The following ALK variants were observed in gnomAD, a reference collection of about 807,000 sequenced individuals.
ALK encodes the protein ALK tyrosine kinase receptor.
Under a neutral mutation model 163.1 loss-of-function variants are expected in ALK, and 74 were observed. The observed-to-expected ratio is 0.45, with a 90% CI of 0.38 to 0.55. The LOEUF (loss-of-function observed/expected upper bound fraction) is 0.55. ALK is among the 20% of genes least tolerant of loss of function. The probability of loss-of-function intolerance (pLI) is 0.00; values close to 1 mark genes in which losing one functional copy is unlikely to be tolerated. For missense variants in ALK, 2,063 were observed against 2,105.3 expected, an observed-to-expected ratio of 0.98 and a Z score of 0.39; for synonymous variants, 960 against 843.2, an observed-to-expected ratio of 1.14 and a Z score of -2.40.
intron 8 of ALK, among the ~76,000 whole-genome samples, chr2:29,309,152 T>A (rs1333641264): frequency 2.0e-5 from 3 of 152,070 alleles, no homozygotes; most frequent in Non-Finnish European, 4.4e-5. Context: ...CGGACACCAC[T>A]GGAAAAAGTA....
intron 3 of ALK, among the ~76,000 whole-genome samples, chr2:29,686,506 G>A (rs1489688465): frequency 3.3e-5 from 5 of 152,196 alleles, no homozygotes; most frequent in Admixed American, 6.5e-5. Flanking sequence ...CTTAGAGCAG[G>A]AAATGGCCTT....
chr2:29,195,383 A>G (rs1668997705), intron 28 of ALK, among the ~76,000 whole-genome samples: 1 of 152,208 alleles, frequency 6.6e-6, no homozygotes, highest in South Asian at 2.1e-4. Context: ...AGGATGGAGT[A>G]GTGAGGCTGG....
chr2:29,790,864 G>A (rs985365448), intron 1 of ALK, among the ~76,000 whole-genome samples: 3 of 152,186 alleles, frequency 2.0e-5, no homozygotes, highest in Middle Eastern at 3.2e-3. Context: ...AATTAGAGGT[G>A]TGAGTCACCT....
At chr2:29,491,125 T>G (rs1240189393) in intron 4 of ALK, among the ~76,000 whole-genome samples, 8 of 152,200 alleles carry the variant, frequency 5.3e-5, no homozygotes, top group Admixed American at 3.3e-4. Flanking sequence ...TAATAAACAT[T>G]ATCTTATTTT....
chr2:29,659,351 A>G (rs925767823), intron 3 of ALK, among the ~76,000 whole-genome samples: 2 of 148,622 alleles, frequency 1.3e-5, no homozygotes, highest in East Asian at 1.9e-4. Flanking sequence ...AGGCAAGTGC[A>G]TACCACTGAC....
chr2:29,855,492 A>G (rs1462404720), intron 1 of ALK, among the ~76,000 whole-genome samples: 1 of 152,204 alleles, frequency 6.6e-6, no homozygotes, highest in African/African-American at 2.4e-5. Context: ...ATGAAAATGT[A>G]AAGATGAGAA....
rs183744432 is a variant in ALK, at chr2:29,657,461, G to A, written c.952+37389C>T. Reference sequence around the variant, plus strand: ...ACTGAGGTACACATTGTAAAGCACCGTGCAATATGAATTAAAATGGCAGAG... The same window carrying A: ...ACTGAGGTACACATTGTAAAGCACCATGCAATATGAATTAAAATGGCAGAG... On this transcript the variant is annotated intron_variant, in intron 3 of 28. Coordinates refer to ENST00000389048, the MANE Select transcript of ALK (RefSeq NM_004304.5). 2.6e-3 allele frequency among the ~76,000 whole-genome samples: 402 copies of A among 152,234 alleles called. 1 individual carries two copies. Among genetic ancestry groups the A allele is most frequent in the Non-Finnish European group, 4.3e-3 (295 of 68,008 alleles).
At chr2:29,840,454 CAGTT>C (rs1234628715) in intron 1 of ALK, among the ~76,000 whole-genome samples, 8 of 152,170 alleles carry the variant, frequency 5.3e-5, no homozygotes, top group Non-Finnish European at 1.2e-4. Flanking sequence ...AGTCTAGTAA[CAGTT>C]AGTAATTCAA....
At chr2:29,837,218 T>C (rs1216375398) in intron 1 of ALK, among the ~76,000 whole-genome samples, 1 of 152,282 alleles carries the variant, frequency 6.6e-6, no homozygotes, top group South Asian at 2.1e-4. Flanking sequence ...TTGACCTCAT[T>C]TTCTATCTGG....
intron 3 of ALK, among the ~76,000 whole-genome samples, chr2:29,639,823 G>C (rs1474416522): frequency 6.6e-6 from 1 of 152,168 alleles, no homozygotes; most frequent in African/African-American, 2.4e-5. Flanking sequence ...ATAGGGAACA[G>C]GGAGTGCTGT....
intron 1 of ALK, among the ~76,000 whole-genome samples, chr2:29,838,827 T>A (rs1665630531): frequency 6.6e-6 from 1 of 152,266 alleles, no homozygotes; most frequent in East Asian, 1.9e-4. Context: ...TATATCTCAA[T>A]AGGGAAGAGG....
At chr2:29,683,179 C>G (rs1678128688) in intron 3 of ALK, among the ~76,000 whole-genome samples, 1 of 152,144 alleles carries the variant, frequency 6.6e-6, no homozygotes, top group South Asian at 2.1e-4. Flanking sequence ...GAGTTCGAGA[C>G]CAACCTGGTC....
intron 2 of ALK, among the ~76,000 whole-genome samples, chr2:29,701,798 T>A (rs1186333860): frequency 6.6e-6 from 1 of 152,108 alleles, no homozygotes; most frequent in Non-Finnish European, 1.5e-5. Context: ...GATTCTTATC[T>A]CCATTCAACA....
At chr2:29,362,989 T>G (rs1433134338) in intron 5 of ALK, among the ~76,000 whole-genome samples, 2 of 152,188 alleles carry the variant, frequency 1.3e-5, no homozygotes, top group Non-Finnish European at 2.9e-5. Flanking sequence ...CCATTGTGTG[T>G]GGAAGGAAGG....
In ALK at chr2:29,379,491, G is replaced by T. The variant is rs367570767; in HGVS notation, c.1282+4241C>A. Among the ~76,000 whole-genome samples the T allele has an allele frequency of 2.6e-5, 4 of 152,264 alleles. No homozygotes were observed. The South Asian group carries it at 8.3e-4, about 32-fold the overall frequency. On this transcript the variant is annotated intron_variant, in intron 5 of 28. Transcript: ENST00000389048. ...GACAAGGTCTTGAACTTCAAGTTAGGATCCCAAAATGATTAAATTGGAAAC... is the reference window on the plus strand; with the variant it reads ...GACAAGGTCTTGAACTTCAAGTTAGTATCCCAAAATGATTAAATTGGAAAC...
At chr2:29,361,123 C>A (rs932613001) in intron 5 of ALK, among the ~76,000 whole-genome samples, 1 of 152,192 alleles carries the variant, frequency 6.6e-6, no homozygotes, top group Admixed American at 6.5e-5. Context: ...ACGAGCAGAT[C>A]GCCGACGCAG....
chr2:29,494,135 T>TG (rs1671968025), intron 4 of ALK, among the ~76,000 whole-genome samples: 1 of 152,186 alleles, frequency 6.6e-6, no homozygotes, highest in Admixed American at 6.5e-5. Context: ...ACCAATGTGA[T>TG]GGGTGGCTTA....
At chr2:29,884,405 T>C (rs1666939363) in intron 1 of ALK, among the ~76,000 whole-genome samples, 1 of 152,098 alleles carries the variant, frequency 6.6e-6, no homozygotes, top group Non-Finnish European at 1.5e-5. Context: ...GTGCCATAGA[T>C]TGAGGTCTGC....
chr2:29,761,087 C>T (rs1680687475), intron 1 of ALK, among the ~76,000 whole-genome samples: 1 of 152,156 alleles, frequency 6.6e-6, no homozygotes, highest in African/African-American at 2.4e-5. Flanking sequence ...CTCTTGGAAC[C>T]ATGTTGTAGC....
Sources: gnomAD v4.1 joint callset for allele counts (sites outside exome capture counted in the v4.1 genomes callset) on GRCh38, gnomAD v4.1.1 for gene constraint, MANE v1.5 for transcripts, NCBI Gene and HGNC (gene_info 2026-07-23, HGNC 2026-07-21) for gene names.